The following ECPAS variants were observed in gnomAD, a reference collection of about 807,000 sequenced individuals.
The protein encoded by ECPAS is Ecm29 proteasome adaptor and scaffold, also known as proteasome adapter and scaffold protein ECM29.
Under a neutral mutation model 255.1 loss-of-function variants are expected in ECPAS, and 70 were observed. That is an observed-to-expected ratio of 0.27 (90% CI 0.23 to 0.33). The LOEUF is 0.33. ECPAS is among the 10% of genes least tolerant of loss of function. ECPAS has a pLI of 1.00. For synonymous variants in ECPAS, 784 were observed against 775.0 expected (o/e 1.01, Z -0.19); for missense variants, 1,817 against 2,206.4 (o/e 0.82, Z 3.54).
At position 111,445,189 on chromosome 9, in the gene ECPAS, TTCA is replaced by T. The variant is rs2098251296; in HGVS notation, c.154-698_154-696del. ...TTTTGTATTCTAGTAAAGATGGAGTTTCATCATGTTGTCCAGGCTGGTCTCAAA... is the reference window on the plus strand; with the variant it reads ...TTTTGTATTCTAGTAAAGATGGAGTTTCATGTTGTCCAGGCTGGTCTCAAA... On this transcript the variant is annotated intron_variant, in intron 3 of 49. Coordinates refer to ENST00000684092, the MANE Select transcript of ECPAS (RefSeq NM_001364929.1). 2.6e-5 allele frequency among the ~76,000 whole-genome samples: 4 copies of T among 151,382 alleles called. No individual in the cohort carries two copies. The South Asian group carries it at 8.4e-4, about 32-fold the overall frequency.
At chr9:111,454,208 TG>T (rs1184224596) in intron 2 of ECPAS, among the ~76,000 whole-genome samples, 1 of 146,788 alleles carries the variant, frequency 6.8e-6, no homozygotes, top group Non-Finnish European at 1.5e-5. Context: ...CTACAGAAAC[TG>T]TAAAAGAAGT....
chr9:111,435,752 G>T (rs1260094119), intron 7 of ECPAS, among the ~76,000 whole-genome samples: 3 of 148,494 alleles, frequency 2.0e-5, no homozygotes, highest in African/African-American at 7.5e-5. Flanking sequence ...CGATCTCGGC[G>T]CACTGCAAGC....
At chr9:111,454,697 A>G (rs2098264681) in intron 2 of ECPAS, among the ~76,000 whole-genome samples, 1 of 150,502 alleles carries the variant, frequency 6.6e-6, no homozygotes, top group South Asian at 2.1e-4. Flanking sequence ...TAACTGCTAT[A>G]TTTTTCTTTT....
intron 25 of ECPAS, among the ~76,000 whole-genome samples, chr9:111,396,026 G>A (rs762041341): frequency 3.3e-5 from 5 of 152,172 alleles, no homozygotes; most frequent in African/African-American, 7.2e-5. Context: ...ACGCATTACC[G>A]TGGAGTTAAA....
chr9:111,424,816 TC>T (rs2131813214), intron 12 of ECPAS, among the ~76,000 whole-genome samples: 1 of 152,328 alleles, frequency 6.6e-6, no homozygotes, highest in East Asian at 1.9e-4. Flanking sequence ...TTCCTTTAAT[TC>T]CATTTTTGCA....
At chr9:111,395,805 T>C (rs547398313) in intron 25 of ECPAS, among the ~76,000 whole-genome samples, 2 of 152,316 alleles carry the variant, frequency 1.3e-5, no homozygotes, top group African/African-American at 4.8e-5. Context: ...TTTGGTTGTC[T>C]TCTTGTTAAC....
chr9:111,392,670 A>G, intron 28 of ECPAS, 98 bp downstream of exon 28: 1 of 809,070 alleles, frequency 1.2e-6, no homozygotes, highest in Non-Finnish European at 1.9e-6. Flanking sequence ...TCATAAACCA[A>G]AACATGGAAA....
intron 48 of ECPAS, 82 bp downstream of exon 48, chr9:111,366,157 G>C (rs537765044): frequency 1.1e-6 from 1 of 919,254 alleles, no homozygotes; most frequent in South Asian, 1.5e-5. Context: ...TAGTTCCTAA[G>C]ACAAAGTAGG....
At chr9:111,458,026 AAC>A (rs1233943973) in intron 2 of ECPAS, among the ~76,000 whole-genome samples, 3 of 152,212 alleles carry the variant, frequency 2.0e-5, no homozygotes, top group Non-Finnish European at 1.5e-5. Flanking sequence ...ACACATGAGA[AAC>A]ACACATTAAA....
intron 13 of ECPAS, 22 bp from the exon 14 acceptor site, chr9:111,422,222 T>C (rs2098215088): frequency 6.2e-7 from 1 of 1,600,942 alleles, no homozygotes; most frequent in Non-Finnish European, 8.5e-7. Flanking sequence ...TGTAAAAATA[T>C]TGTTACTATC....
Position 111,451,564 on chromosome 9 carries a change from TA to T in ECPAS, c.23-10del. ...GACCCGTTCAAGCTGATCTATAATA[TA>T]AAAAGAAAAAAAGAGAGAACTTAGC... On this transcript the variant is annotated splice_polypyrimidine_tract_variant and intron_variant, in intron 2 of 49. Coordinates refer to ENST00000684092, the MANE Select transcript of ECPAS (RefSeq NM_001364929.1). 6.5e-7 allele frequency: 1 copy of T among 1,531,644 alleles called. No homozygotes were observed. 94.9% of individuals were successfully genotyped at this position (1,531,644 alleles called of 1,614,324 possible).
intron 6 of ECPAS, among the ~76,000 whole-genome samples, chr9:111,437,634 G>T (rs1485483698): frequency 6.6e-6 from 1 of 152,034 alleles, no homozygotes; most frequent in South Asian, 2.1e-4. Flanking sequence ...ACATAAGCAC[G>T]TACCACATAA....
At chr9:111,444,643 A>T in intron 3 of ECPAS, 149 bp from the exon 4 acceptor site, 1 of 616,210 alleles carries the variant, frequency 1.6e-6, no homozygotes, top group South Asian at 2.1e-5. Context: ...CCAGAAAGGG[A>T]GTATACACTA....
intron 36 of ECPAS, among the ~76,000 whole-genome samples, chr9:111,377,894 C>G (rs1255187742): frequency 6.6e-6 from 1 of 152,194 alleles, no homozygotes; most frequent in African/African-American, 2.4e-5. Context: ...CGCCTGTAAT[C>G]CCAGCACTTT....
chr9:111,427,991 T>C (rs1208420563), intron 10 of ECPAS, 51 bp downstream of exon 10: 16 of 1,557,346 alleles, frequency 1.0e-5, no homozygotes, highest in Non-Finnish European at 1.3e-5. Flanking sequence ...TCTAATTAAA[T>C]AGACATAAAA....
intron 2 of ECPAS, among the ~76,000 whole-genome samples, chr9:111,466,419 TGG>T (rs1199854754): frequency 6.6e-6 from 1 of 151,850 alleles, no homozygotes; most frequent in Non-Finnish European, 1.5e-5. Flanking sequence ...CACTCCAGCC[TGG>T]GCGACAGAGC....
At chr9:111,471,951 A>G (rs1003746902) in intron 2 of ECPAS, among the ~76,000 whole-genome samples, 1 of 151,992 alleles carries the variant, frequency 6.6e-6, no homozygotes, top group Non-Finnish European at 1.5e-5. Context: ...AAAAAAAAAA[A>G]TTAGCCAGGC....
chr9:111,445,243 C>T (rs561913510), intron 3 of ECPAS, among the ~76,000 whole-genome samples: 1 of 152,132 alleles, frequency 6.6e-6, no homozygotes, highest in African/African-American at 2.4e-5. Flanking sequence ...AATCCGCCCA[C>T]CTCGGCCTCC....
intron 1 of ECPAS, among the ~76,000 whole-genome samples, chr9:111,475,297 A>T (rs1167499102): frequency 6.6e-6 from 1 of 152,258 alleles, no homozygotes; most frequent in Non-Finnish European, 1.5e-5. Context: ...GCTCAGCAAC[A>T]GGGATCAAAC....
Sources: gnomAD v4.1 joint callset for allele counts (sites outside exome capture counted in the v4.1 genomes callset) on GRCh38, gnomAD v4.1.1 for gene constraint, MANE v1.5 for transcripts, NCBI Gene and HGNC (gene_info 2026-07-23, HGNC 2026-07-21) for gene names.